Variants in NEK3 observed in about 807,000 individuals in gnomAD.
The protein encoded by NEK3 is NIMA related kinase 3, also known as serine/threonine-protein kinase Nek3.
A neutral mutation model predicts 66.0 loss-of-function variants in NEK3; 54 were observed. The ratio of observed to expected loss-of-function variants is 0.82; its 90% CI spans 0.66 to 1.03. The LOEUF (loss-of-function observed/expected upper bound fraction) is 1.03. Ranked by LOEUF, NEK3 falls within the 50% of genes least tolerant of loss-of-function variation. The probability of loss-of-function intolerance (pLI) is 0.00; values close to 1 mark genes in which losing one functional copy is unlikely to be tolerated. For synonymous variants in NEK3, 200 were observed against 206.2 expected (o/e 0.97, Z 0.26); for missense variants, 593 against 603.0 (o/e 0.98, Z 0.17).
chr13:52,135,164 A>T (rs540801497), intron 14 of NEK3, among the ~76,000 whole-genome samples: 106 of 152,288 alleles, frequency 7.0e-4, no homozygotes, highest in African/African-American at 2.5e-3. Context: ...AGAGTATTAT[A>T]AAAAAATTAT....
chr13:52,141,347 A>G (rs577781851), intron 10 of NEK3, among the ~76,000 whole-genome samples: 1 of 152,342 alleles, frequency 6.6e-6, no homozygotes, highest in Admixed American at 6.5e-5. Context: ...TTTAAGCACT[A>G]AGAGGTAACA....
Position 52,154,076 on chromosome 13 carries a change from T to G in NEK3, c.211+4A>C, listed in dbSNP as rs1473575409. 2 of 1,610,052 alleles carry G rather than the reference T, an allele frequency of 1.2e-6. No individual in the cohort carries two copies. The highest frequency in any genetic ancestry group is 1.7e-6 in the Non-Finnish European group (2 of 1,177,134). On this transcript the variant is annotated splice_donor_region_variant and intron_variant, in intron 3 of 15. Transcript: ENST00000610828. ...TGCACATATCTGGGGGAATTCGTAT[T>G]TACCTTCAAATGATTCTTTGAAGGC...
intron 1 of NEK3, 154 bp downstream of exon 1, chr13:52,159,389 T>C (rs1956424556): frequency 6.6e-6 from 1 of 152,436 alleles, no homozygotes; most frequent in Middle Eastern, 3.4e-3. Context: ...GACTTGCGGG[T>C]TTGCGGCGAG....
chr13:52,151,969 T>A (rs754821303), intron 5 of NEK3, among the ~76,000 whole-genome samples: 1 of 152,220 alleles, frequency 6.6e-6, no homozygotes, highest in Admixed American at 6.5e-5. Flanking sequence ...CTACACTATA[T>A]AGCCTAGGTG....
chr13:52,146,721 C>A (rs1307426262), intron 8 of NEK3, among the ~76,000 whole-genome samples: 3 of 152,134 alleles, frequency 2.0e-5, no homozygotes, highest in Non-Finnish European at 2.9e-5. Flanking sequence ...TGCTGTGGGC[C>A]TAGGCATCAG....
chr13:52,133,913 CA>C, intron 14 of NEK3, 98 bp from the exon 15 acceptor site: 5 of 1,225,210 alleles, frequency 4.1e-6, no homozygotes, highest in Non-Finnish European at 5.7e-6. Flanking sequence ...TGGCTGAGGA[CA>C]ATGCCATGTC....
intron 7 of NEK3, among the ~76,000 whole-genome samples, chr13:52,150,003 A>C (rs1045489099): frequency 6.6e-6 from 1 of 152,144 alleles, no homozygotes; most frequent in African/African-American, 2.4e-5. Flanking sequence ...ATTTAATCTC[A>C]ATTCGGTAAC....
At chr13:52,157,550 C>A (rs894263363) in intron 1 of NEK3, 10 of 152,108 alleles carry the variant, frequency 6.6e-5, no homozygotes, top group Admixed American at 4.6e-4. Context: ...AGGGGTTGGG[C>A]AAAACATATT....
At chr13:52,152,564 AT>A (rs761279407) in intron 5 of NEK3, 44 bp downstream of exon 5, 1 of 1,288,798 alleles carries the variant, frequency 7.8e-7, no homozygotes, top group Non-Finnish European at 1.1e-6. Flanking sequence ...AAATGACTGA[AT>A]TAAGGACTTT....
At chr13:52,144,655 G>T in intron 9 of NEK3, 36 bp downstream of exon 9, 1 of 1,565,146 alleles carries the variant, frequency 6.4e-7, no homozygotes, top group Non-Finnish European at 8.8e-7. Flanking sequence ...CCATACACTT[G>T]AAAACTGTTC....
At chr13:52,139,404 G>C (rs1956229795) in intron 11 of NEK3, among the ~76,000 whole-genome samples, 1 of 152,310 alleles carries the variant, frequency 6.6e-6, no homozygotes, top group South Asian at 2.1e-4. Flanking sequence ...GAGATTAGAG[G>C]CTGCCAGGGG....
At chr13:52,142,858 G>C (rs1347647801) in intron 10 of NEK3, among the ~76,000 whole-genome samples, 1 of 152,168 alleles carries the variant, frequency 6.6e-6, no homozygotes, top group Admixed American at 6.5e-5. Flanking sequence ...TCACTGATGA[G>C]AAATGAAAGC....
intron 7 of NEK3, among the ~76,000 whole-genome samples, chr13:52,149,429 CA>C (rs1956320892): frequency 6.6e-6 from 1 of 152,074 alleles, no homozygotes; most frequent in African/African-American, 2.4e-5. Flanking sequence ...TGGTTTTTAC[CA>C]ACTATTTCCC....
chr13:52,153,793 C>T (rs1956367036), intron 4 of NEK3, 102 bp downstream of exon 4: 3 of 754,240 alleles, frequency 4.0e-6, no homozygotes, highest in East Asian at 2.6e-5. Context: ...TCTACCTTCT[C>T]GGGTAATTAC....
chr13:52,141,192 G>T, intron 10 of NEK3, 123 bp from the exon 11 acceptor site: 1 of 726,706 alleles, frequency 1.4e-6, no homozygotes. Flanking sequence ...AAGAGCCAAA[G>T]CTCTCTGATA....
At chr13:52,142,758 C>T (rs1566854332) in intron 10 of NEK3, among the ~76,000 whole-genome samples, 1 of 152,168 alleles carries the variant, frequency 6.6e-6, no homozygotes, top group Non-Finnish European at 1.5e-5. Flanking sequence ...TGCAACATGT[C>T]CCAGCAGTGA....
At position 52,151,369 on chromosome 13, in the gene NEK3, T is replaced by C. The variant is rs150675335; in HGVS notation, c.417A>G (p.Gly139=). 53 of 1,592,764 alleles carry C rather than the reference T, an allele frequency of 3.3e-5. No homozygotes were observed. The African/African-American group carries it at 6.4e-4, about 19-fold the overall frequency. The change falls in exon 6 of 16, where the codon GGA becomes GGG. Residue 139 remains glycine (G), a synonymous_variant. Transcript: ENST00000610828. The stretch of plus-strand genomic sequence containing the variant: ...ATCCAAAGTCTCCCAATTTCACTTT[T>C]CCATTCTGAGTGAGGAAGATATTCT... The part of the protein sequence containing the change: ...KSKNIFLTQN[G]KVKLGDFGSA...
At chr13:52,136,320 C>T in intron 12 of NEK3, 61 bp from the exon 13 acceptor site, 3 of 1,500,614 alleles carry the variant, frequency 2.0e-6, no homozygotes, top group Middle Eastern at 3.4e-4. Context: ...CATCTCTGTC[C>T]ACACATAGAC....
chr13:52,156,301 A>T, intron 1 of NEK3, 53 bp from the exon 2 acceptor site: 2 of 677,334 alleles, frequency 3.0e-6, no homozygotes, highest in South Asian at 3.5e-5. Flanking sequence ...CAAAAAGCAA[A>T]AATTAATTCA....
Sources: allele counts gnomAD v4.1 joint callset (sites outside exome capture counted in the v4.1 genomes callset), GRCh38; gene constraint gnomAD v4.1.1; transcripts MANE v1.5; gene names NCBI Gene and HGNC (gene_info 2026-07-23, HGNC 2026-07-21).